The following CCT7 variants were observed in gnomAD, a reference collection of about 807,000 sequenced individuals.
CCT7 encodes the protein chaperonin containing TCP1 subunit 7.
In CCT7, 16 loss-of-function variants were observed where a neutral mutation model predicts 56.6. The observed-to-expected ratio is 0.28, with a 90% CI of 0.19 to 0.43. CCT7 has a LOEUF of 0.43. CCT7 is among the 20% of genes least tolerant of loss of function. The pLI is 1.00. For synonymous variants in CCT7, 262 were observed against 254.8 expected (o/e 1.03, Z -0.27); for missense variants, 519 against 685.6 (o/e 0.76, Z 2.71).
chr2:73,245,108 T>G (rs555829931), intron 6 of CCT7, among the ~76,000 whole-genome samples: 5 of 152,190 alleles, frequency 3.3e-5, no homozygotes, highest in Non-Finnish European at 7.4e-5. Flanking sequence ...TCATTTATCT[T>G]GAATAGATGA....
In CCT7 at chr2:73,243,149, C is replaced by A. The variant is rs546737488; in HGVS notation, c.393+20C>A. The A allele has an allele frequency of 1.2e-6, 2 of 1,611,132 alleles. No individual in the cohort carries two copies. Among genetic ancestry groups the A allele is most frequent in the African/African-American group, 2.7e-5 (2 of 74,968 alleles). On this transcript the variant is annotated intron_variant, in intron 4 of 11. Transcript: ENST00000258091. ...CAGCTGGTATGGCAGTACTGATTAA[C>A]CTTCTCTTGGGCCTGGACACCTTCA... is the stretch of plus-strand genomic sequence containing the variant.
chr2:73,234,546 C>T (rs947044003), intron 1 of CCT7, among the ~76,000 whole-genome samples, 162 bp downstream of exon 1: 19 of 152,244 alleles, frequency 1.2e-4, no homozygotes, highest in South Asian at 2.1e-4. Flanking sequence ...CGGCCTGGCT[C>T]GGCCCGAGCA....
At position 73,235,634 on chromosome 2, in the gene CCT7, C is replaced by G. The variant is rs144174394; in HGVS notation, c.6+1250C>G. On this transcript the variant is annotated intron_variant, in intron 1 of 11. Transcript: ENST00000258091. ...TGAGAGTAAGGCCTCTGGAGCTACA[C>G]TGAATGCCTAGGTTTGTAACTTAGC... is the stretch of plus-strand genomic sequence containing the variant. 5.3e-4 allele frequency: 432 copies of G among 820,624 alleles called. 1 individual carries two copies. The African/African-American group carries it at 7.7e-3, about 15-fold the overall frequency. 50.8% of individuals were successfully genotyped at this position (820,624 alleles called of 1,614,324 possible).
rs780590848 is a variant in CCT7, at chr2:73,240,425, G to A, written c.161-12G>A. ...AGAAAGGGGCTTTAGATTTTTGTTT[G>A]TTTCTTTTAAGGCAAAGCAACAATT... On this transcript the variant is annotated splice_polypyrimidine_tract_variant and intron_variant, in intron 2 of 11. Coordinates refer to ENST00000258091, the MANE Select transcript of CCT7 (RefSeq NM_006429.4). 6.2e-7 allele frequency: 1 copy of A among 1,602,968 alleles called. No homozygotes were observed. The highest frequency in any genetic ancestry group is 8.5e-7 in the Non-Finnish European group (1 of 1,172,296).
At chr2:73,249,539 C>T (rs1687482820) in intron 8 of CCT7, among the ~76,000 whole-genome samples, 1 of 152,184 alleles carries the variant, frequency 6.6e-6, no homozygotes, top group Non-Finnish European at 1.5e-5. Context: ...AGTTGCTGGA[C>T]CCAGTGCCAC....
chr2:73,236,179 C>T (rs545051943), intron 1 of CCT7, among the ~76,000 whole-genome samples: 30 of 152,312 alleles, frequency 2.0e-4, no homozygotes, highest in African/African-American at 6.7e-4. Context: ...TGGCGTTGAG[C>T]GCTGTGTGCC....
intron 1 of CCT7, among the ~76,000 whole-genome samples, chr2:73,236,808 T>C (rs1292038702): frequency 6.6e-6 from 1 of 152,200 alleles, no homozygotes; most frequent in Non-Finnish European, 1.5e-5. Flanking sequence ...TTCCACCCCA[T>C]AGATGCTCTC....
At chr2:73,235,468 A>G (rs1686838062) in intron 1 of CCT7, 1 of 776,430 alleles carries the variant, frequency 1.3e-6, no homozygotes, top group South Asian at 6.0e-5. Context: ...TGTTCTACCA[A>G]ATGCCCTATG....
chr2:73,244,438 G>A, intron 5 of CCT7, 106 bp from the exon 6 acceptor site: 3 of 946,468 alleles, frequency 3.2e-6, no homozygotes, highest in Non-Finnish European at 4.7e-6. Flanking sequence ...AGTTGGAGAG[G>A]GCTGAGTTTA....
At chr2:73,244,801 C>A in intron 6 of CCT7, 86 bp downstream of exon 6, 2 of 1,056,130 alleles carry the variant, frequency 1.9e-6, no homozygotes, top group Non-Finnish European at 2.7e-6. Flanking sequence ...GTACTCATTA[C>A]AGGAATAAAG....
chr2:73,244,160 A>G, intron 5 of CCT7, 111 bp downstream of exon 5: 1 of 1,086,052 alleles, frequency 9.2e-7, no homozygotes, highest in Non-Finnish European at 1.3e-6. Flanking sequence ...TGCGACTCCC[A>G]AAGTGCTGGG....
chr2:73,239,612 A>G (rs1687017079), intron 1 of CCT7, 31 bp from the exon 2 acceptor site: 1 of 1,603,634 alleles, frequency 6.2e-7, no homozygotes, highest in Admixed American at 1.7e-5. Context: ...ATAGATGATT[A>G]TTAAAAGCAG....
chr2:73,247,662 C>G, intron 6 of CCT7, 100 bp from the exon 7 acceptor site: 1 of 931,830 alleles, frequency 1.1e-6, no homozygotes, highest in South Asian at 1.6e-5. Flanking sequence ...ATGATTAGCT[C>G]AGGCTCACAG....
In CCT7 at chr2:73,252,591, A is replaced by G. The variant is rs374427296; in HGVS notation, c.1411-49A>G. On this transcript the variant is annotated intron_variant, in intron 11 of 11. Coordinates refer to ENST00000258091, the MANE Select transcript of CCT7 (RefSeq NM_006429.4). ...TTTGGAGTACCAGTTTACAAGAGGAAAGTTGAAAGTAGTTCCATATTACCT... is the reference window on the plus strand; with the variant it reads ...TTTGGAGTACCAGTTTACAAGAGGAGAGTTGAAAGTAGTTCCATATTACCT... 55 of 1,445,964 alleles carry G rather than the reference A, an allele frequency of 3.8e-5. No individual in the cohort carries two copies. The African/African-American group carries it at 6.6e-4, about 17-fold the overall frequency. 89.6% of individuals were successfully genotyped at this position (1,445,964 alleles called of 1,614,324 possible). A position where few individuals can be genotyped will look rare whatever the true frequency, so the allele number is the denominator to read the frequency against.
Position 73,244,670 on chromosome 2 carries a change from G to A in CCT7, c.573G>A (p.Gln191=). Residue 191 remains glutamine, a synonymous_variant, in exon 6 of 12, where the codon CAG becomes CAA. Transcript: ENST00000258091. ...DAVMMLDDLL[Q]LKMIGIKKVQ... ...TGATGATGCTCGATGATTTGCTGCAGCTTAAAATGATTGGAATCAAGAAGG... is the reference window on the plus strand; with the variant it reads ...TGATGATGCTCGATGATTTGCTGCAACTTAAAATGATTGGAATCAAGAAGG... 1 of 1,613,786 alleles carries A rather than the reference G, an allele frequency of 6.2e-7. No homozygotes were observed. Among genetic ancestry groups the A allele is most frequent in the Admixed American group, 1.7e-5 (1 of 60,004 alleles).
chr2:73,242,285 C>T (rs1023656444), intron 3 of CCT7, among the ~76,000 whole-genome samples: 3 of 151,876 alleles, frequency 2.0e-5, no homozygotes, highest in Non-Finnish European at 2.9e-5. Flanking sequence ...TCCTGCAGTA[C>T]CTTTTGCTTC....
At chr2:73,250,181 T>G in intron 9 of CCT7, 125 bp from the exon 10 acceptor site, 1 of 1,198,372 alleles carries the variant, frequency 8.3e-7, no homozygotes, top group Non-Finnish European at 1.2e-6. Flanking sequence ...AAGGTTGGGA[T>G]TGGGTAACCT....
intron 1 of CCT7, 142 bp downstream of exon 1, chr2:73,234,526 C>T (rs1686773409): frequency 9.8e-7 from 1 of 1,021,344 alleles, no homozygotes; most frequent in Non-Finnish European, 1.5e-6. Flanking sequence ...GGGGCGACCC[C>T]AGCCAGCCGC....
chr2:73,238,913 G>A (rs1479056228), intron 1 of CCT7, among the ~76,000 whole-genome samples: 3 of 152,226 alleles, frequency 2.0e-5, no homozygotes, highest in African/African-American at 7.2e-5. Context: ...AAGCCCTTAC[G>A]GGGATAGGGA....
Sources: gnomAD v4.1 joint callset for allele counts (sites outside exome capture counted in the v4.1 genomes callset) on GRCh38, gnomAD v4.1.1 for gene constraint, MANE v1.5 for transcripts, NCBI Gene and HGNC (gene_info 2026-07-23, HGNC 2026-07-21) for gene names.